Variants in DPYD observed in about 807,000 individuals in gnomAD.
DPYD encodes the protein dihydropyrimidine dehydrogenase.
A neutral mutation model predicts 116.2 loss-of-function variants in DPYD; 109 were observed. That is an observed-to-expected ratio of 0.94 (90% CI 0.80 to 1.10). The LOEUF (loss-of-function observed/expected upper bound fraction) is 1.10, where lower values mean the gene tolerates loss of function less well. Among genes scored for constraint, DPYD ranks in the 50% least tolerant of loss-of-function variants. The pLI, the probability that DPYD is intolerant of heterozygous loss-of-function variation, is 0.00. For missense variants in DPYD, 1,302 were observed against 1,254.5 expected, an observed-to-expected ratio of 1.04 and a Z score of -0.57; for synonymous variants, 440 against 432.0, an observed-to-expected ratio of 1.02 and a Z score of -0.23.
At chr1:97,165,546 T>C (rs1169418659) in intron 20 of DPYD, among the ~76,000 whole-genome samples, 1 of 151,332 alleles carries the variant, frequency 6.6e-6, no homozygotes, top group Non-Finnish European at 1.5e-5. Flanking sequence ...CAAAAGCAAT[T>C]GCAACAAAAG....
chr1:97,361,910 C>T (rs1395480803), intron 16 of DPYD, among the ~76,000 whole-genome samples: 3 of 152,232 alleles, frequency 2.0e-5, no homozygotes, highest in Non-Finnish European at 4.4e-5. Flanking sequence ...GGGATGCCCT[C>T]TCTCACCACT....
chr1:97,381,546 C>T (rs1164819149), intron 15 of DPYD, among the ~76,000 whole-genome samples: 2 of 152,076 alleles, frequency 1.3e-5, no homozygotes, highest in Admixed American at 6.5e-5. Context: ...TTAATTTCAC[C>T]CCTCTAAGTC....
At chr1:97,181,230 C>T (rs1472311387) in intron 20 of DPYD, among the ~76,000 whole-genome samples, 1 of 152,082 alleles carries the variant, frequency 6.6e-6, no homozygotes, top group Admixed American at 6.6e-5. Context: ...ACCAACTTAC[C>T]TCTGGGATGA....
At chr1:97,580,188 G>T (rs1653542090) in intron 10 of DPYD, among the ~76,000 whole-genome samples, 1 of 152,114 alleles carries the variant, frequency 6.6e-6, no homozygotes, top group Admixed American at 6.5e-5. Flanking sequence ...TTAAATTCTG[G>T]AATAACTTCT....
chr1:97,804,733 T>C (rs1668002021), intron 3 of DPYD, among the ~76,000 whole-genome samples: 1 of 151,840 alleles, frequency 6.6e-6, no homozygotes, highest in African/African-American at 2.4e-5. Flanking sequence ...GGTAAGTGTT[T>C]AAGTGGTCAC....
chr1:97,670,052 T>A (rs759470266), intron 8 of DPYD, among the ~76,000 whole-genome samples: 3 of 152,160 alleles, frequency 2.0e-5, no homozygotes, highest in East Asian at 1.9e-4. Flanking sequence ...ATGAATACAA[T>A]GTAGTCTTGA....
chr1:97,454,021 G>A (rs186302249), intron 13 of DPYD, among the ~76,000 whole-genome samples: 91 of 152,090 alleles, frequency 6.0e-4, no homozygotes, highest in African/African-American at 2.1e-3. Context: ...GCCTACTGTT[G>A]TAGAATGGGT....
intron 14 of DPYD, among the ~76,000 whole-genome samples, chr1:97,432,003 T>G (rs1675204081): frequency 6.6e-6 from 1 of 152,130 alleles, no homozygotes. Context: ...GACACAATGT[T>G]CTCCGGTTCC....
Position 97,465,407 on chromosome 1 carries a change from G to C in DPYD, c.1741-15184C>G, listed in dbSNP as rs1435209428. Among the ~76,000 whole-genome samples the C allele has an allele frequency of 2.0e-5, 3 of 152,052 alleles. No individual in the cohort carries two copies. In the East Asian group the frequency reaches 5.8e-4, roughly 29 times the overall value. On this transcript the variant is annotated intron_variant, in intron 13 of 22. Coordinates refer to ENST00000370192, the MANE Select transcript of DPYD (RefSeq NM_000110.4). ...ATGTGAGGACATGAAATTTGGGAGG[G>C]GCAAGGGCTGGAATGATATGGTTTG... is the stretch of plus-strand genomic sequence containing the variant.
intron 14 of DPYD, among the ~76,000 whole-genome samples, chr1:97,389,911 A>G (rs1672599199): frequency 6.6e-6 from 1 of 150,454 alleles, no homozygotes. Context: ...TCATCCTTTG[A>G]AATTTTAAAT....
At chr1:97,447,788 A>G (rs1676171597) in intron 14 of DPYD, among the ~76,000 whole-genome samples, 1 of 152,114 alleles carries the variant, frequency 6.6e-6, no homozygotes, top group African/African-American at 2.4e-5. Flanking sequence ...CCCAAAAAAG[A>G]GAAAAAGTGT....
At chr1:97,415,140 C>T (rs1429199278) in intron 14 of DPYD, among the ~76,000 whole-genome samples, 2 of 149,400 alleles carry the variant, frequency 1.3e-5, no homozygotes, top group Non-Finnish European at 3.0e-5. Flanking sequence ...CAAAACTCTA[C>T]AAAACCAGAA....
At chr1:97,715,378 C>A (rs1005885890) in intron 5 of DPYD, among the ~76,000 whole-genome samples, 1 of 152,078 alleles carries the variant, frequency 6.6e-6, no homozygotes, top group Admixed American at 6.6e-5. Flanking sequence ...CAATGTAAAC[C>A]TATATGTCTC....
chr1:97,152,592 A>T (rs1364493188), intron 20 of DPYD, among the ~76,000 whole-genome samples: 1 of 151,154 alleles, frequency 6.6e-6, no homozygotes, highest in African/African-American at 2.4e-5. Flanking sequence ...ATATTTAATA[A>T]TTTTTAAAAT....
chr1:97,546,450 T>C, intron 12 of DPYD: 2 of 1,601,342 alleles, frequency 1.2e-6, no homozygotes, highest in Non-Finnish European at 1.7e-6. Flanking sequence ...GTGAGAAAGA[T>C]GATGGTAGTG....
chr1:97,353,680 T>C (rs1041772063), intron 16 of DPYD, among the ~76,000 whole-genome samples: 2 of 150,906 alleles, frequency 1.3e-5, no homozygotes, highest in Admixed American at 1.3e-4. Flanking sequence ...GAATTTTGGG[T>C]GCAGAAAAAC....
At chr1:97,280,763 A>G (rs1665270087) in intron 18 of DPYD, among the ~76,000 whole-genome samples, 1 of 152,144 alleles carries the variant, frequency 6.6e-6, no homozygotes, top group Non-Finnish European at 1.5e-5. Context: ...AGGGGCCTGG[A>G]TAGGTTAGTC....
intron 10 of DPYD, among the ~76,000 whole-genome samples, chr1:97,587,236 G>A (rs1165758976): frequency 6.6e-6 from 1 of 152,116 alleles, no homozygotes; most frequent in Non-Finnish European, 1.5e-5. Context: ...TTAGTACCAG[G>A]GGAGCCCCTA....
chr1:97,242,369 A>C (rs986360111), intron 18 of DPYD, among the ~76,000 whole-genome samples: 3 of 151,086 alleles, frequency 2.0e-5, no homozygotes, highest in African/African-American at 7.3e-5. Flanking sequence ...ATTGACACGC[A>C]AATAGCTCTA....
Sources: allele counts gnomAD v4.1 joint callset (sites outside exome capture counted in the v4.1 genomes callset), GRCh38; gene constraint gnomAD v4.1.1; transcripts MANE v1.5; gene names NCBI Gene and HGNC (gene_info 2026-07-23, HGNC 2026-07-21).